The following TTLL11 variants were observed in gnomAD, a reference collection of about 807,000 sequenced individuals.
TTLL11 encodes the protein tubulin tyrosine ligase like 11.
A neutral mutation model predicts 51.7 loss-of-function variants in TTLL11; 42 were observed. The observed-to-expected ratio is 0.81, with a 90% CI of 0.64 to 1.05. TTLL11 has a LOEUF of 1.05. TTLL11 is among the 50% of genes least tolerant of loss of function. The pLI is 0.00. For missense variants in TTLL11, 799 were observed against 940.4 expected (o/e 0.85, Z 1.97); for synonymous variants, 381 against 383.5 (o/e 0.99, Z 0.08).
chr9:121,927,300 A>C (rs1840771904), intron 6 of TTLL11, among the ~76,000 whole-genome samples: 1 of 151,050 alleles, frequency 6.6e-6, no homozygotes, highest in Admixed American at 6.6e-5. Flanking sequence ...CGCTGTCTGT[A>C]TCTATGTAGA....
At chr9:121,833,038 G>C (rs190020131) in intron 8 of TTLL11, among the ~76,000 whole-genome samples, 1 of 152,014 alleles carries the variant, frequency 6.6e-6, no homozygotes, top group Non-Finnish European at 1.5e-5. Flanking sequence ...AAACAATACC[G>C]GCCTTGCAGC....
chr9:121,823,312 G>A (rs770076957), intron 8 of TTLL11, among the ~76,000 whole-genome samples: 1 of 152,230 alleles, frequency 6.6e-6, no homozygotes, highest in Non-Finnish European at 1.5e-5. Context: ...TTGGGAGGCC[G>A]AGGTGCGTGG....
In TTLL11 at chr9:121,817,632, A is replaced by G. The variant is rs1476559216; in HGVS notation, c.*4955T>C. 2 of 152,270 alleles carry G rather than the reference A, an allele frequency of 1.3e-5. No individual in the cohort carries two copies. Among genetic ancestry groups the G allele is most frequent in the African/African-American group, 4.8e-5 (2 of 41,458 alleles). 9.4% of individuals were successfully genotyped at this position (152,270 alleles called of 1,614,324 possible). ...CTAAGTCCCCAGAACTGAGTGGAGC[A>G]AACACCCAGCCTCTGCGGGACGTGG... On this transcript the variant is annotated 3_prime_UTR_variant, in exon 9 of 9. Coordinates refer to ENST00000321582, the MANE Select transcript of TTLL11 (RefSeq NM_001139442.2).
At chr9:121,965,826 G>C (rs1564330796) in intron 6 of TTLL11, among the ~76,000 whole-genome samples, 1 of 152,182 alleles carries the variant, frequency 6.6e-6, no homozygotes, top group Non-Finnish European at 1.5e-5. Context: ...GAGAATTTCT[G>C]ATTAATATTT....
At chr9:122,079,121 C>T (rs1162029327) in intron 1 of TTLL11, among the ~76,000 whole-genome samples, 1 of 151,988 alleles carries the variant, frequency 6.6e-6, no homozygotes, top group Non-Finnish European at 1.5e-5. Context: ...GAGAGAACTG[C>T]TAGGATGTTT....
chr9:121,889,046 G>A (rs1344935707), intron 6 of TTLL11, among the ~76,000 whole-genome samples: 1 of 152,068 alleles, frequency 6.6e-6, no homozygotes, highest in Admixed American at 6.6e-5. Context: ...GGATTGGGTT[G>A]TTCTGACATT....
chr9:122,074,253 G>A (rs1039452827), intron 1 of TTLL11, among the ~76,000 whole-genome samples: 3 of 148,396 alleles, frequency 2.0e-5, no homozygotes, highest in African/African-American at 2.5e-5. Context: ...CAGCCTGGGC[G>A]ACAGAGCAAG....
chr9:121,873,921 T>C (rs1453800000), intron 6 of TTLL11, among the ~76,000 whole-genome samples: 6 of 143,110 alleles, frequency 4.2e-5, no homozygotes, highest in Middle Eastern at 3.8e-3. Context: ...TCACTGCCAC[T>C]GCAACCTCTG....
intron 6 of TTLL11, among the ~76,000 whole-genome samples, chr9:121,971,746 G>GGAAAAAAAAAAAA (rs1554775866): frequency 3.6e-4 from 35 of 97,872 alleles, no homozygotes; most frequent in Non-Finnish European, 4.0e-4. Flanking sequence ...TCTGCCTTGG[G>GGAAAAAAAAAAAA]AAAAAAAAAA....
At chr9:122,049,296 T>A (rs542172754) in intron 1 of TTLL11, among the ~76,000 whole-genome samples, 1 of 152,324 alleles carries the variant, frequency 6.6e-6, no homozygotes, top group African/African-American at 2.4e-5. Flanking sequence ...ATTAACCCGA[T>A]GATAAAGATT....
At chr9:121,998,792 A>G (rs1466633086) in intron 3 of TTLL11, among the ~76,000 whole-genome samples, 1 of 152,112 alleles carries the variant, frequency 6.6e-6, no homozygotes, top group African/African-American at 2.4e-5. Flanking sequence ...GACAGGCAAT[A>G]GCATTTTCAT....
In TTLL11 at chr9:121,887,437, G is replaced by C. The variant is rs73664703; in HGVS notation, c.1482-16689C>G. Among the ~76,000 whole-genome samples the C allele has an allele frequency of 6.3e-3, 959 of 152,318 alleles. 10 individuals are homozygous for C. Among genetic ancestry groups the C allele is most frequent in the African/African-American group, 0.022 (911 of 41,568 alleles). On this transcript the variant is annotated intron_variant, in intron 6 of 8. Transcript: ENST00000321582. ...ATGCATATGGATGGCAATGGTGGTT[G>C]AATGATAACCTGCAATTTCTCTTCC...
At position 121,822,417 on chromosome 9, in the gene TTLL11, C is replaced by A; in HGVS notation, c.*170G>T. The A allele has an allele frequency of 3.6e-6, 2 of 558,602 alleles. No individual in the cohort carries two copies. Among genetic ancestry groups the A allele is most frequent in the South Asian group, 5.0e-5 (1 of 20,138 alleles). 34.6% of individuals were successfully genotyped at this position (558,602 alleles called of 1,614,324 possible). ...GTGTGAGGAGGAAGGCAGGTGAGAA[C>A]CAGCCAGCCTGGTGAAGCACAGCTC... On this transcript the variant is annotated 3_prime_UTR_variant, in exon 9 of 9. Transcript: ENST00000321582. The surrounding 1 kb of genome is among the most constrained non-coding windows in gnomAD (Gnocchi z 5.8).
At chr9:121,972,428 G>A (rs1348320801) in intron 6 of TTLL11, among the ~76,000 whole-genome samples, 2 of 152,198 alleles carry the variant, frequency 1.3e-5, no homozygotes, top group African/African-American at 4.8e-5. Flanking sequence ...GGCTGCCATC[G>A]GGTCTGAGCT....
intron 8 of TTLL11, among the ~76,000 whole-genome samples, chr9:121,859,088 C>A (rs1564276258): frequency 6.6e-6 from 1 of 151,660 alleles, no homozygotes; most frequent in Non-Finnish European, 1.5e-5. Flanking sequence ...ATAATGCCTA[C>A]TGCACTGGTT....
chr9:122,020,358 T>A (rs1245724220), intron 3 of TTLL11, among the ~76,000 whole-genome samples: 1 of 152,198 alleles, frequency 6.6e-6, no homozygotes, highest in African/African-American at 2.4e-5. Context: ...CTGCTCCCCA[T>A]CACCAACAAA....
At chr9:121,935,120 A>ATTTTT (rs34653983) in intron 6 of TTLL11, among the ~76,000 whole-genome samples, 10 of 147,894 alleles carry the variant, frequency 6.8e-5, no homozygotes, top group African/African-American at 2.5e-4. Flanking sequence ...ATGCCCGGCT[A>ATTTTT]TTTTTTTTTT....
chr9:121,857,120 A>G (rs1837847371), intron 8 of TTLL11, among the ~76,000 whole-genome samples: 1 of 151,922 alleles, frequency 6.6e-6, no homozygotes, highest in Non-Finnish European at 1.5e-5. Flanking sequence ...CACTTCCTAG[A>G]CCCCCAGGCC....
At chr9:121,984,913 C>T (rs566216744) in intron 4 of TTLL11, among the ~76,000 whole-genome samples, 1 of 152,272 alleles carries the variant, frequency 6.6e-6, no homozygotes, top group East Asian at 1.9e-4. Context: ...CTGGTACCCT[C>T]AAGAAGGCTG....
Sources: allele counts gnomAD v4.1 joint callset (sites outside exome capture counted in the v4.1 genomes callset), GRCh38; gene constraint gnomAD v4.1.1; non-coding constraint Gnocchi (gnomAD v3.1); transcripts MANE v1.5; gene names NCBI Gene and HGNC (gene_info 2026-07-23, HGNC 2026-07-21).